Variants in CDX4 observed in about 807,000 individuals in gnomAD.
CDX4 encodes homeobox protein CDX-4.
In CDX4, 11 loss-of-function variants were observed where a neutral mutation model predicts 14.1. The observed-to-expected ratio is 0.78, with a 90% CI of 0.49 to 1.29. The LOEUF is 1.29. CDX4 is among the 50% of genes most tolerant of loss of function. The pLI is 0.00. For synonymous variants in CDX4, 100 were observed against 93.5 expected (o/e 1.07, Z -0.40); for missense variants, 257 against 237.4 (o/e 1.08, Z -0.54).
chrX:73,449,082 A>G (rs2057079657), intron 1 of CDX4, among the ~76,000 whole-genome samples: 1 of 111,872 alleles, frequency 8.9e-6, no homozygotes, highest in Admixed American at 9.4e-5. Context: ...CATTTTAAAA[A>G]AATATGAGTG....
chrX:73,450,559 C>T (rs1200771662), intron 1 of CDX4, among the ~76,000 whole-genome samples: 2 of 111,560 alleles, frequency 1.8e-5, no homozygotes, highest in Non-Finnish European at 3.8e-5. Context: ...TTTTAAGCCA[C>T]TGGACAACAT....
chrX:73,451,440 A>T (rs1475375158), intron 1 of CDX4, among the ~76,000 whole-genome samples: 1 of 111,505 alleles, frequency 9.0e-6, no homozygotes, highest in Non-Finnish European at 1.9e-5. Flanking sequence ...TTTAGGTCTT[A>T]TCTGTCAGAT....
Position 73,453,565 on chromosome X carries a change from A to G in CDX4, c.551A>G (p.Gln184Arg), listed in dbSNP as rs2057096252. Residue 184 changes from glutamine to arginine, a missense_variant, in exon 2 of 3, where the codon CAA (glutamine) becomes CGA (arginine). Gln to Arg is a conservative substitution (Grantham distance 43). Coordinates refer to ENST00000373514, the MANE Select transcript of CDX4 (RefSeq NM_005193.2). ...TATCGTGTAGTTTACACTGATCATC[A>G]AAGATTGGAGCTGGAAAAGGAATTC... Reference protein sequence around the residue: ...EKYRVVYTDHQRLELEKEFHC... With the variant: ...EKYRVVYTDHRRLELEKEFHC... 1 of 1,202,248 alleles carries G rather than the reference A, an allele frequency of 8.3e-7. No individual in the cohort carries two copies. The highest frequency in any genetic ancestry group is 1.8e-5 in the African/African-American group (1 of 56,986).
rs1246355304 is a variant in CDX4 at position 73,454,479 on chromosome X, C to G, written c.749C>G (p.Ser250Cys). The change falls in exon 3 of 3, where the codon TCT (serine) becomes TGT (cysteine). Residue 250 changes from serine (S) to cysteine (C), a missense_variant. Transcript: ENST00000373514. The part of the protein sequence containing the change: ...ENSGGSVQSD[S>C]DSISPGELPN... Reference sequence around the variant, plus strand: ...AGTGGAGGCTCGGTGCAAAGTGACTCTGACTCCATCAGCCCTGGGGAACTA... The same window carrying G: ...AGTGGAGGCTCGGTGCAAAGTGACTGTGACTCCATCAGCCCTGGGGAACTA... 1.7e-6 allele frequency: 2 copies of G among 1,194,837 alleles called. No individual in the cohort carries two copies. The highest frequency in any genetic ancestry group is 4.4e-5 in the Admixed American group (2 of 45,146).
At position 73,447,864 on chromosome X, in the gene CDX4, G is replaced by T. The variant is rs1437109135; in HGVS notation, c.502+109G>T. On this transcript the variant is annotated intron_variant, in intron 1 of 2. Coordinates refer to ENST00000373514, the MANE Select transcript of CDX4 (RefSeq NM_005193.2). The stretch of plus-strand genomic sequence containing the variant: ...CTCAGGCCTCTCCCAAGAGGGCTTA[G>T]CTGAGGCGACCCCTATATGGCTGGC... 18 of 922,901 alleles carry T rather than the reference G, an allele frequency of 2.0e-5. No homozygotes were observed. The East Asian group carries it at 5.3e-4, about 27-fold the overall frequency. The allele number at this position is 922,901 out of a possible 1,213,427, so 76.1% of individuals were successfully genotyped here.
In CDX4 at chrX:73,447,332, G is replaced by T. The variant is rs768973829; in HGVS notation, c.79G>T (p.Ala27Ser). Residue 27 changes from alanine to serine, a missense_variant, in exon 1 of 3, where the codon GCT becomes TCT. Ala to Ser is a moderately conservative substitution (Grantham distance 99). Coordinates refer to ENST00000373514, the MANE Select transcript of CDX4 (RefSeq NM_005193.2). ...TLMSPGGDGT[A>S]GTGGTGGGGS... The stretch of plus-strand genomic sequence containing the variant: ...CATGAGCCCTGGGGGCGACGGCACA[G>T]CTGGGACAGGCGGCACAGGGGGCGG... 8.3e-7 allele frequency: 1 copy of T among 1,209,320 alleles called. No individual in the cohort carries two copies. The highest frequency in any genetic ancestry group is 1.1e-6 in the Non-Finnish European group (1 of 894,937).
chrX:73,453,449 A>T (rs2057095634), intron 1 of CDX4, 68 bp from the exon 2 acceptor site: 2 of 948,807 alleles, frequency 2.1e-6, no homozygotes, highest in East Asian at 7.0e-5. Flanking sequence ...AGTGTCTATG[A>T]TTTCTTTAAC....
Position 73,447,849 on chromosome X carries a change from T to TCGTACTGCCCTCGTACTGC in CDX4, c.502+95_502+96insGTACTGCCCTCGTACTGCC, listed in dbSNP as rs1169097220. 138 of 1,020,329 alleles carry TCGTACTGCCCTCGTACTGC rather than the reference T, an allele frequency of 1.4e-4. 1 individual carries two copies. In the African/African-American group the frequency reaches 2.3e-3, roughly 17 times the overall value. The allele number at this position is 1,020,329 out of a possible 1,213,427, so 84.1% of individuals were successfully genotyped here. On this transcript the variant is annotated intron_variant, in intron 1 of 2. Coordinates refer to ENST00000373514, the MANE Select transcript of CDX4 (RefSeq NM_005193.2). ...CCTGCCCTCGTACTTCTCAGGCCTC[T>TCGTACTGCCCTCGTACTGC]CCCAAGAGGGCTTAGCTGAGGCGAC...
At chrX:73,453,493 A>C in intron 1 of CDX4, 24 bp from the exon 2 acceptor site, 1 of 1,178,982 alleles carries the variant, frequency 8.5e-7, no homozygotes, top group Non-Finnish European at 1.1e-6. Flanking sequence ...AAAAGATTAA[A>C]TGCAATGCTT....
rs1250521443 is a variant in CDX4 at position 73,454,151 on chromosome X, G to T, written c.649-228G>T. Among the ~76,000 whole-genome samples the T allele has an allele frequency of 1.8e-5, 2 of 111,588 alleles. 1 individual carries two copies. Among genetic ancestry groups the T allele is most frequent in the Middle Eastern group, 8.4e-3 (2 of 237 alleles). On this transcript the variant is annotated intron_variant, in intron 2 of 2. Coordinates refer to ENST00000373514, the MANE Select transcript of CDX4 (RefSeq NM_005193.2). The stretch of plus-strand genomic sequence containing the variant: ...TAATATTAAGATTATTGCATTCAGA[G>T]TTAGTAGCCCTAGACTTGGATCTCA...
In CDX4 at chrX:73,447,220, G is replaced by T; in HGVS notation, c.-34G>T. Reference sequence around the variant, plus strand: ...AGTTGGGGCCTTACAGGGACTTCAGGATGGCTTAGGGAGCGCCTTCTACCC... The same window carrying T: ...AGTTGGGGCCTTACAGGGACTTCAGTATGGCTTAGGGAGCGCCTTCTACCC... On this transcript the variant is annotated 5_prime_UTR_variant, in exon 1 of 3. Transcript: ENST00000373514. 1 of 1,185,454 alleles carries T rather than the reference G, an allele frequency of 8.4e-7. No individual in the cohort carries two copies. Among genetic ancestry groups the T allele is most frequent in the Non-Finnish European group, 1.1e-6 (1 of 880,429 alleles).
rs772788049 is a variant in CDX4 at position 73,447,696 on chromosome X, C to A, written c.443C>A (p.Ser148Tyr). Residue 148 changes from serine (S) to tyrosine (Y), a missense_variant, in exon 1 of 3, where the codon TCC becomes TAC. Ser to Tyr is a moderately radical substitution (Grantham distance 144). Coordinates refer to ENST00000373514, the MANE Select transcript of CDX4 (RefSeq NM_005193.2). ...GACGCAGGCGCCGCCAAGGCCAGTTCCCCCAGCAGGAGCCGCCACAGCCCC... is the reference window on the plus strand; with the variant it reads ...GACGCAGGCGCCGCCAAGGCCAGTTACCCCAGCAGGAGCCGCCACAGCCCC... ...PTDAGAAKASSPSRSRHSPYA... is the reference protein window; with the variant it reads ...PTDAGAAKASYPSRSRHSPYA... 4.2e-6 allele frequency: 5 copies of A among 1,201,285 alleles called. No individual in the cohort carries two copies. In the African/African-American group the frequency reaches 8.7e-5, roughly 21 times the overall value.
At position 73,447,156 on chromosome X, in the gene CDX4, C is replaced by T; in HGVS notation, c.-98C>T. ...TGCAAAAGAGCTTGCGGCACAACTA[C>T]GTACTGATAAGTTTATTCTCTGCTG... On this transcript the variant is annotated 5_prime_UTR_variant, in exon 1 of 3. The change creates a new upstream start codon in the 5' untranslated region. Coordinates refer to ENST00000373514, the MANE Select transcript of CDX4 (RefSeq NM_005193.2). 2 of 977,078 alleles carry T rather than the reference C, an allele frequency of 2.0e-6. No homozygotes were observed. The highest frequency in any genetic ancestry group is 2.8e-6 in the Non-Finnish European group (2 of 708,731). The allele number at this position is 977,078 out of a possible 1,213,427, so 80.5% of individuals were successfully genotyped here. A position where few individuals can be genotyped will look rare whatever the true frequency, so the allele number is the denominator to read the frequency against.
rs1569494043 is a variant in CDX4, at chrX:73,447,210, G to A, written c.-44G>A. ...CTCAAAGTCGAGTTGGGGCCTTACA[G>A]GGACTTCAGGATGGCTTAGGGAGCG... On this transcript the variant is annotated 5_prime_UTR_variant, in exon 1 of 3. Transcript: ENST00000373514. The A allele has an allele frequency of 8.5e-7, 1 of 1,174,591 alleles. No homozygotes were observed. The highest frequency in any genetic ancestry group is 1.8e-5 in the African/African-American group (1 of 56,608).
At chrX:73,454,233 T>C (rs2147490872) in intron 2 of CDX4, 146 bp from the exon 3 acceptor site, 3 of 459,796 alleles carry the variant, frequency 6.5e-6, no homozygotes, top group Admixed American at 4.1e-5. Context: ...TTTTCTAACC[T>C]GTTAAGTGGG....
rs367670478 is a variant in CDX4, at chrX:73,447,298, G to C, written c.45G>C (p.Pro15=). 1.9e-5 allele frequency: 23 copies of C among 1,209,049 alleles called. No homozygotes were observed. The highest frequency in any genetic ancestry group is 2.6e-5 in the Non-Finnish European group (23 of 894,623). The part of the protein sequence containing the change: ...CLLEKEAGMY[P]GTLMSPGGDG... Reference sequence around the variant, plus strand: ...TGGAGAAAGAAGCAGGCATGTACCCGGGCACTCTCATGAGCCCTGGGGGCG... The same window carrying C: ...TGGAGAAAGAAGCAGGCATGTACCCCGGCACTCTCATGAGCCCTGGGGGCG... Residue 15 remains proline, a synonymous_variant, in exon 1 of 3, where the codon CCG becomes CCC. Transcript: ENST00000373514.
At chrX:73,453,381 A>G in intron 1 of CDX4, 136 bp from the exon 2 acceptor site, 1 of 495,903 alleles carries the variant, frequency 2.0e-6, no homozygotes, top group Non-Finnish European at 3.3e-6. Context: ...ACTTTTATGA[A>G]TATTTGATTC....
Position 73,447,232 on chromosome X carries a change from A to G in CDX4, c.-22A>G. The G allele has an allele frequency of 8.4e-7, 1 of 1,194,068 alleles. No homozygotes were observed. The highest frequency in any genetic ancestry group is 3.0e-5 in the East Asian group (1 of 33,573). ...ACAGGGACTTCAGGATGGCTTAGGG[A>G]GCGCCTTCTACCCAAGACACGATGT... On this transcript the variant is annotated 5_prime_UTR_variant, in exon 1 of 3. Coordinates refer to ENST00000373514, the MANE Select transcript of CDX4 (RefSeq NM_005193.2).
intron 1 of CDX4, 86 bp from the exon 2 acceptor site, chrX:73,453,431 G>T (rs2057095544): frequency 2.8e-6 from 2 of 720,394 alleles, no homozygotes; most frequent in African/African-American, 4.4e-5. Context: ...AAAGATGAGG[G>T]TGGGAAGAGT....
Sources: gnomAD v4.1 joint callset for allele counts (sites outside exome capture counted in the v4.1 genomes callset) on GRCh38, gnomAD v4.1.1 for gene constraint, MANE v1.5 for transcripts, NCBI Gene and HGNC (gene_info 2026-07-23, HGNC 2026-07-21) for gene names.